PPP2R2B: variants seen among roughly 807,000 people sequenced by gnomAD.
PPP2R2B encodes the protein serine/threonine-protein phosphatase 2A 55 kDa regulatory subunit B beta isoform.
In PPP2R2B, 5 loss-of-function variants were observed where a neutral mutation model predicts 46.0. The observed-to-expected ratio is 0.11, with a 90% CI of 0.06 to 0.23. PPP2R2B has a LOEUF of 0.23. Among genes scored for constraint, PPP2R2B ranks in the 10% least tolerant of loss-of-function variants. PPP2R2B has a pLI of 1.00. For synonymous variants in PPP2R2B, 215 were observed against 206.7 expected (o/e 1.04, Z -0.34); for missense variants, 367 against 575.0 (o/e 0.64, Z 3.70).
intron 5 of PPP2R2B, among the ~76,000 whole-genome samples, chr5:146,683,032 C>T (rs1358163841): frequency 1.3e-5 from 2 of 152,136 alleles, no homozygotes; most frequent in African/African-American, 4.8e-5. Context: ...TTCAGGATGG[C>T]CAAGAATATG....
intron 2 of PPP2R2B, among the ~76,000 whole-genome samples, chr5:146,873,626 T>A (rs900214219): frequency 1.3e-5 from 2 of 152,216 alleles, no homozygotes; most frequent in African/African-American, 4.8e-5. Context: ...ATTAACTTTT[T>A]TTTTGAGATG....
chr5:146,993,433 G>A (rs1361793880), intron 1 of PPP2R2B, among the ~76,000 whole-genome samples: 2 of 150,298 alleles, frequency 1.3e-5, no homozygotes, highest in Non-Finnish European at 3.0e-5. Flanking sequence ...ATAGAGATGG[G>A]GTTTTGCCAT....
chr5:146,622,569 A>C (rs1305372523), intron 7 of PPP2R2B, among the ~76,000 whole-genome samples: 1 of 152,182 alleles, frequency 6.6e-6, no homozygotes, highest in Non-Finnish European at 1.5e-5. Flanking sequence ...TATGAACCTC[A>C]ACAGAGTATC....
chr5:146,859,136 T>A (rs951953761), intron 2 of PPP2R2B, among the ~76,000 whole-genome samples: 9 of 152,194 alleles, frequency 5.9e-5, no homozygotes, highest in African/African-American at 2.2e-4. Flanking sequence ...TTCTCCACCA[T>A]AAACTAGGTA....
chr5:146,805,965 C>T (rs774821535), intron 2 of PPP2R2B, among the ~76,000 whole-genome samples: 2 of 152,100 alleles, frequency 1.3e-5, no homozygotes, highest in Non-Finnish European at 2.9e-5. Flanking sequence ...GTGTCAAATC[C>T]CTACCTTGGC....
intron 1 of PPP2R2B, among the ~76,000 whole-genome samples, chr5:146,908,170 T>C (rs1763062857): frequency 6.6e-6 from 1 of 152,222 alleles, no homozygotes; most frequent in Admixed American, 6.5e-5. Flanking sequence ...AGACAGATTT[T>C]AAAGTTTTGA....
At chr5:146,609,897 G>A (rs539008122) in intron 7 of PPP2R2B, among the ~76,000 whole-genome samples, 1 of 142,970 alleles carries the variant, frequency 7.0e-6, no homozygotes, top group African/African-American at 2.8e-5. Context: ...AAACTGCAAG[G>A]TGGCAACGAG....
chr5:147,075,815 G>A (rs536205645), intron 2 of PPP2R2B, among the ~76,000 whole-genome samples: 3 of 152,082 alleles, frequency 2.0e-5, no homozygotes, highest in South Asian at 2.1e-4. Context: ...CTCTAATAAA[G>A]CCACATTGTC....
intron 2 of PPP2R2B, among the ~76,000 whole-genome samples, chr5:146,752,192 C>T (rs1753596582): frequency 6.6e-6 from 1 of 152,068 alleles, no homozygotes; most frequent in Non-Finnish European, 1.5e-5. Context: ...GCTTGAGACG[C>T]TGTCAAGGTA....
intron 2 of PPP2R2B, among the ~76,000 whole-genome samples, chr5:146,774,214 T>A (rs920511141): frequency 6.6e-6 from 1 of 152,086 alleles, no homozygotes; most frequent in African/African-American, 2.4e-5. Flanking sequence ...ACTCATGGGG[T>A]TAAGAGTTGA....
intron 1 of PPP2R2B, among the ~76,000 whole-genome samples, chr5:147,011,256 C>G (rs776815126): frequency 2.6e-5 from 4 of 152,052 alleles, no homozygotes; most frequent in Admixed American, 6.6e-5. Context: ...ATAATGTCAC[C>G]TCAGTAGGAC....
At chr5:146,784,416 C>T (rs553017026) in intron 2 of PPP2R2B, among the ~76,000 whole-genome samples, 1 of 152,222 alleles carries the variant, frequency 6.6e-6, no homozygotes, top group South Asian at 2.1e-4. Context: ...TATATTGGCA[C>T]TTATAACACT....
At chr5:146,669,519 TAG>T (rs1424466119) in intron 5 of PPP2R2B, among the ~76,000 whole-genome samples, 3 of 152,094 alleles carry the variant, frequency 2.0e-5, no homozygotes, top group South Asian at 4.1e-4. Context: ...TTATTCTATA[TAG>T]AGTTAATAAA....
intron 1 of PPP2R2B, among the ~76,000 whole-genome samples, chr5:146,996,224 T>C (rs10875618): frequency 0.26 from 39,806 of 152,078 alleles, 6,006 homozygotes; most frequent in African/African-American, 0.4. Context: ...GTATTTCTAG[T>C]TGGCAGACGG....
At chr5:146,590,313 A>G (rs1770488604) in intron 9 of PPP2R2B, 87 bp from the exon 10 acceptor site, 3 of 1,394,216 alleles carry the variant, frequency 2.2e-6, no homozygotes, top group Admixed American at 2.3e-5. Context: ...CCAGCTTATG[A>G]CACCATAGGT....
intron 2 of PPP2R2B, among the ~76,000 whole-genome samples, chr5:146,817,388 C>T (rs1430902378): frequency 6.6e-6 from 1 of 152,124 alleles, no homozygotes; most frequent in African/African-American, 2.4e-5. Context: ...CCCACCACCA[C>T]CATTTTTAAA....
At chr5:146,640,941 T>C (rs922518736) in intron 6 of PPP2R2B, among the ~76,000 whole-genome samples, 2 of 152,106 alleles carry the variant, frequency 1.3e-5, no homozygotes, top group African/African-American at 4.8e-5. Flanking sequence ...CCCCAAGCCA[T>C]TGGCTTCCTA....
chr5:147,080,739 G>A (rs539738890), intron 2 of PPP2R2B, among the ~76,000 whole-genome samples: 169 of 152,288 alleles, frequency 1.1e-3, no homozygotes, highest in African/African-American at 3.8e-3. Flanking sequence ...ATGGCTGAAA[G>A]TCTTAAAATG....
At chr5:146,924,232 A>G (rs1195283919) in intron 1 of PPP2R2B, among the ~76,000 whole-genome samples, 1 of 152,258 alleles carries the variant, frequency 6.6e-6, no homozygotes, top group Non-Finnish European at 1.5e-5. Flanking sequence ...AATAAAAGTT[A>G]AAGAAAATAT....
Sources: allele counts gnomAD v4.1 joint callset (sites outside exome capture counted in the v4.1 genomes callset), GRCh38; gene constraint gnomAD v4.1.1; transcripts MANE v1.5; gene names NCBI Gene and HGNC (gene_info 2026-07-23, HGNC 2026-07-21).